AUTS2: variants seen among roughly 807,000 people sequenced by gnomAD.
AUTS2 encodes autism susceptibility gene 2 protein.
Under a neutral mutation model 112.4 loss-of-function variants are expected in AUTS2, and 17 were observed. That is an observed-to-expected ratio of 0.15 (90% CI 0.10 to 0.23). The LOEUF (loss-of-function observed/expected upper bound fraction) is 0.23. Ranked by LOEUF, AUTS2 falls within the 10% of genes least tolerant of loss-of-function variation. The pLI is 1.00. For synonymous variants in AUTS2, 751 were observed against 702.7 expected, an observed-to-expected ratio of 1.07 and a Z score of -1.09; for missense variants, 1,510 against 1,701.6, an observed-to-expected ratio of 0.89 and a Z score of 1.98.
At chr7:69,882,172 AAAAAAGAC>A (rs1794081854) in intron 1 of AUTS2, among the ~76,000 whole-genome samples, 2 of 146,334 alleles carry the variant, frequency 1.4e-5, no homozygotes, top group African/African-American at 5.1e-5. Flanking sequence ...AAAAAAAAAA[AAAAAAGAC>A]CAAGTGATAG....
chr7:70,679,417 C>G (rs765938602), intron 5 of AUTS2, among the ~76,000 whole-genome samples: 22 of 152,182 alleles, frequency 1.4e-4, no homozygotes, highest in Admixed American at 1.1e-3. Context: ...TAATTTAAAA[C>G]TAAATCTTAT....
At chr7:69,818,555 C>T (rs1249093558) in intron 1 of AUTS2, among the ~76,000 whole-genome samples, 3 of 152,094 alleles carry the variant, frequency 2.0e-5, no homozygotes, top group African/African-American at 4.8e-5. Flanking sequence ...TATCTGTAAT[C>T]TTTTAATCTA....
At chr7:69,843,678 C>T (rs1792075651) in intron 1 of AUTS2, among the ~76,000 whole-genome samples, 1 of 152,160 alleles carries the variant, frequency 6.6e-6, no homozygotes, top group Non-Finnish European at 1.5e-5. Flanking sequence ...TTTTAGATTT[C>T]CTCAGAGGCT....
chr7:69,722,397 G>C (rs1294192804), intron 1 of AUTS2, among the ~76,000 whole-genome samples: 1 of 129,690 alleles, frequency 7.7e-6, no homozygotes, highest in African/African-American at 2.9e-5. Flanking sequence ...TTTTTTTTGA[G>C]ACCAAGTCTC....
At chr7:69,785,686 T>G (rs573390649) in intron 1 of AUTS2, among the ~76,000 whole-genome samples, 79 of 152,348 alleles carry the variant, frequency 5.2e-4, no homozygotes, top group African/African-American at 1.5e-3. Flanking sequence ...ACAGGAGTTA[T>G]ATTTGCTGTC....
intron 5 of AUTS2, among the ~76,000 whole-genome samples, chr7:70,532,077 A>T (rs1018985418): frequency 1.3e-5 from 2 of 152,156 alleles, no homozygotes; most frequent in Non-Finnish European, 2.9e-5. Context: ...TCTCTGCTCC[A>T]TGTGGCTCTT....
rs1219792442 is a variant in AUTS2, at chr7:69,599,471, CCTTTT to C, written c.-178_-174del. 2.1e-6 allele frequency: 1 copy of C among 487,484 alleles called. No individual in the cohort carries two copies. Among genetic ancestry groups the C allele is most frequent in the Non-Finnish European group, 3.2e-6 (1 of 314,572 alleles). 30.2% of individuals were successfully genotyped at this position (487,484 alleles called of 1,614,324 possible). A position where few individuals can be genotyped will look rare whatever the true frequency, so the allele number is the denominator to read the frequency against. On this transcript the variant is annotated 5_prime_UTR_variant, in exon 1 of 19. Transcript: ENST00000342771. This position sits in a 1 kb window ranked among gnomAD's most constrained non-coding sequence, Gnocchi z 7.0. ...TCCTCCCCTCTCTCCGCCCCTTCCC[CCTTTT>C]CTTTCTCCTCTCTTTCTTCCCCTCT... is the stretch of plus-strand genomic sequence containing the variant.
At chr7:70,290,843 C>A in intron 4 of AUTS2, 1 of 182,162 alleles carries the variant, frequency 5.5e-6, no homozygotes, top group East Asian at 1.6e-4. Flanking sequence ...CAATGTATGG[C>A]TATAAAAGTC....
intron 1 of AUTS2, among the ~76,000 whole-genome samples, chr7:69,691,028 C>T (rs192189998): frequency 3.3e-5 from 5 of 152,280 alleles, no homozygotes; most frequent in African/African-American, 1.2e-4. Flanking sequence ...TTTCCATAGT[C>T]AGGTTGTCCT....
chr7:70,538,632 G>T (rs1168965501), intron 5 of AUTS2, among the ~76,000 whole-genome samples: 1 of 152,170 alleles, frequency 6.6e-6, no homozygotes, highest in Non-Finnish European at 1.5e-5. Flanking sequence ...TTTATTTAAA[G>T]GTTGTTGATT....
chr7:70,649,222 A>G (rs1038283900), intron 5 of AUTS2, among the ~76,000 whole-genome samples: 10 of 150,082 alleles, frequency 6.7e-5, no homozygotes, highest in Non-Finnish European at 1.3e-4. Context: ...AGACCTTTAG[A>G]TTAGAAGTTT....
At chr7:70,616,318 T>C (rs1022017757) in intron 5 of AUTS2, among the ~76,000 whole-genome samples, 11 of 152,202 alleles carry the variant, frequency 7.2e-5, no homozygotes, top group Admixed American at 3.9e-4. Context: ...GTGAAGCCCC[T>C]GGCTCAGAGC....
chr7:70,390,082 C>G (rs1793786105), intron 4 of AUTS2, among the ~76,000 whole-genome samples: 1 of 152,178 alleles, frequency 6.6e-6, no homozygotes, highest in Non-Finnish European at 1.5e-5. Context: ...TTCAAGAGTT[C>G]ACAACAGCTC....
At chr7:70,472,730 T>G (rs1478075761) in intron 5 of AUTS2, among the ~76,000 whole-genome samples, 1 of 152,182 alleles carries the variant, frequency 6.6e-6, no homozygotes, top group African/African-American at 2.4e-5. Flanking sequence ...CAGGCGTATT[T>G]GAAGAAAAAC....
chr7:69,823,335 T>A (rs1791085251), intron 1 of AUTS2, among the ~76,000 whole-genome samples: 1 of 152,200 alleles, frequency 6.6e-6, no homozygotes, highest in Admixed American at 6.5e-5. Context: ...TGGCATAAGG[T>A]TGCATGCCTC....
At chr7:69,610,724 C>G (rs1212436369) in intron 1 of AUTS2, among the ~76,000 whole-genome samples, 1 of 152,182 alleles carries the variant, frequency 6.6e-6, no homozygotes, top group Non-Finnish European at 1.5e-5. Flanking sequence ...CAAGTGCTTG[C>G]TAAGGAGGGC....
intron 2 of AUTS2, among the ~76,000 whole-genome samples, chr7:70,003,735 A>T (rs1192524009): frequency 8.0e-6 from 1 of 124,612 alleles, no homozygotes; most frequent in African/African-American, 3.1e-5. Flanking sequence ...AATATATATA[A>T]TATATATGAA....
rs1584728719 is a variant in AUTS2, at chr7:70,104,950, T to A, written c.523-13182T>A. Among the ~76,000 whole-genome samples, 6 of 152,326 alleles carry A rather than the reference T, an allele frequency of 3.9e-5. No homozygotes were observed. The South Asian group carries it at 1.0e-3, about 26-fold the overall frequency. The stretch of plus-strand genomic sequence containing the variant: ...TAAACTTTAAGATTATCTTCGTGCA[T>A]GTGGATTATTTTACATTCAACATCA... On this transcript the variant is annotated intron_variant, in intron 2 of 18. Coordinates refer to ENST00000342771, the MANE Select transcript of AUTS2 (RefSeq NM_015570.4).
At chr7:69,739,008 T>C (rs1471864567) in intron 1 of AUTS2, among the ~76,000 whole-genome samples, 1 of 152,154 alleles carries the variant, frequency 6.6e-6, no homozygotes, top group African/African-American at 2.4e-5. Context: ...TGTACTGGAC[T>C]GTTAGCTTTC....
Sources: allele counts gnomAD v4.1 joint callset (sites outside exome capture counted in the v4.1 genomes callset), GRCh38; gene constraint gnomAD v4.1.1; non-coding constraint Gnocchi (gnomAD v3.1); transcripts MANE v1.5; gene names NCBI Gene and HGNC (gene_info 2026-07-23, HGNC 2026-07-21).